The following TULP4 variants were observed in gnomAD, a reference collection of about 807,000 sequenced individuals.
TULP4 encodes TUB like protein 4.
Under a neutral mutation model 129.0 loss-of-function variants are expected in TULP4, and 16 were observed. The ratio of observed to expected loss-of-function variants is 0.12; its 90% CI spans 0.08 to 0.19. TULP4 has a LOEUF of 0.19. TULP4 is among the 10% of genes least tolerant of loss of function. TULP4 has a pLI of 1.00. For synonymous variants in TULP4, 998 were observed against 854.0 expected (o/e 1.17, Z -2.94); for missense variants, 1,842 against 2,059.1 (o/e 0.89, Z 2.04).
At chr6:158,475,635 A>G (rs1208112859) in intron 6 of TULP4, among the ~76,000 whole-genome samples, 1 of 152,104 alleles carries the variant, frequency 6.6e-6, no homozygotes, top group Non-Finnish European at 1.5e-5. Context: ...GGGAGGAGGT[A>G]CCTTCAGCAT....
intron 5 of TULP4, among the ~76,000 whole-genome samples, chr6:158,453,485 C>CAAAA (rs869146924): frequency 3.5e-3 from 62 of 17,914 alleles, no homozygotes; most frequent in Admixed American, 3.9e-3. Context: ...CTCTGTCTCA[C>CAAAA]AAAAAAAAAA....
At position 158,502,750 on chromosome 6, in the gene TULP4, GC is replaced by G; in HGVS notation, c.3092del (p.Pro1031HisfsTer41). On this transcript the variant is annotated frameshift_variant, in exon 13 of 14. Coordinates refer to ENST00000367097, the MANE Select transcript of TULP4 (RefSeq NM_020245.5). LOFTEE classifies it high-confidence loss of function. ...GGVVTQLPAR[P>X]PPALYTCSQC... ...GGGTGGTGACACAGCTCCCAGCGCG[GC>G]CCCCACCTGCCCTGTACACCTGCAG... The G allele has an allele frequency of 6.3e-7, 1 of 1,588,604 alleles. No homozygotes were observed.
At chr6:158,411,232 T>C (rs1384281219) in intron 1 of TULP4, among the ~76,000 whole-genome samples, 1 of 152,180 alleles carries the variant, frequency 6.6e-6, no homozygotes, top group Non-Finnish European at 1.5e-5. Context: ...TGATATATTA[T>C]TGTTTGCACA....
chr6:158,348,379 T>C (rs1780370914), intron 1 of TULP4, among the ~76,000 whole-genome samples: 1 of 152,000 alleles, frequency 6.6e-6, no homozygotes, highest in Non-Finnish European at 1.5e-5. Context: ...GTGATGACTC[T>C]TAATGAGCAT....
intron 6 of TULP4, among the ~76,000 whole-genome samples, chr6:158,472,196 T>C (rs536189018): frequency 2.0e-5 from 3 of 152,216 alleles, no homozygotes; most frequent in African/African-American, 4.8e-5. Flanking sequence ...ACTTGTCTTA[T>C]TTTCCTGAAG....
chr6:158,472,864 C>T (rs1404106091), intron 6 of TULP4, among the ~76,000 whole-genome samples: 8 of 152,186 alleles, frequency 5.3e-5, no homozygotes, highest in Non-Finnish European at 1.2e-4. Flanking sequence ...TTCTGTCCTA[C>T]ATGTTGTAAT....
chr6:158,480,862 A>T (rs916864481), intron 7 of TULP4, among the ~76,000 whole-genome samples, 193 bp from the exon 8 acceptor site: 1 of 152,142 alleles, frequency 6.6e-6, no homozygotes, highest in Non-Finnish European at 1.5e-5. Context: ...AGCTTGCAGG[A>T]GATTCTCACA....
In TULP4 at chr6:158,243,847, G is replaced by GGTGTGTGTGT. The variant is rs57298904; in HGVS notation, n.68+11575_68+11584dup. ...TGTCATTTAGTTATTAGCTGAAATA[G>GGTGTGTGTGT]GTGTGTGTGTGTGTGTGTGTGTGTG... On this transcript the variant is annotated intron_variant and non_coding_transcript_variant, in intron 1 of 1. Transcript: ENST00000620026. Among the ~76,000 whole-genome samples, 965 of 143,582 alleles carry GGTGTGTGTGT rather than the reference G, an allele frequency of 6.7e-3. 7 individuals carry two copies. Among genetic ancestry groups the GGTGTGTGTGT allele is most frequent in the African/African-American group, 0.023 (860 of 38,090 alleles). 94.2% of individuals were successfully genotyped at this position (143,582 alleles called of 152,430 possible). A position where few individuals can be genotyped will look rare whatever the true frequency, so the allele number is the denominator to read the frequency against.
At chr6:158,459,971 A>G (rs1779387995) in intron 5 of TULP4, among the ~76,000 whole-genome samples, 1 of 152,208 alleles carries the variant, frequency 6.6e-6, no homozygotes, top group Admixed American at 6.5e-5. Context: ...TCGCATTTGT[A>G]AAAGAATCTG....
intron 1 of TULP4, among the ~76,000 whole-genome samples, chr6:158,344,349 C>G (rs1780253474): frequency 6.6e-6 from 1 of 152,190 alleles, no homozygotes. Context: ...ACGTGTGAGA[C>G]AGCGGACTTT....
chr6:158,393,973 T>TA (rs1777651462), intron 1 of TULP4, among the ~76,000 whole-genome samples: 1 of 152,234 alleles, frequency 6.6e-6, no homozygotes, highest in Admixed American at 6.5e-5. Context: ...TCCAAACTTT[T>TA]ATGCTCTGCT....
chr6:158,303,332 C>T (rs1234679096), intron 1 of TULP4, among the ~76,000 whole-genome samples: 5 of 151,994 alleles, frequency 3.3e-5, no homozygotes, highest in Admixed American at 2.0e-4. Flanking sequence ...ACAGCTGGGC[C>T]TCTGGGCATG....
chr6:158,258,925 G>T (rs377731180), intron 1 of TULP4, among the ~76,000 whole-genome samples: 2 of 152,274 alleles, frequency 1.3e-5, no homozygotes, highest in East Asian at 3.9e-4. Context: ...GAAAAAACAG[G>T]ATAAATATAA....
At chr6:158,248,735 C>A (rs554390221) in intron 1 of TULP4, among the ~76,000 whole-genome samples, 1 of 151,874 alleles carries the variant, frequency 6.6e-6, no homozygotes, top group African/African-American at 2.4e-5. Context: ...GAGCGAGACC[C>A]AGTCTCCAAA....
intron 3 of TULP4, among the ~76,000 whole-genome samples, chr6:158,441,852 C>T (rs1451428071): frequency 2.0e-5 from 3 of 152,214 alleles, no homozygotes; most frequent in African/African-American, 7.2e-5. Context: ...TGCTCCAGCT[C>T]TCTTACGTTC....
chr6:158,483,158 A>C (rs1779986064), intron 8 of TULP4, among the ~76,000 whole-genome samples: 1 of 152,218 alleles, frequency 6.6e-6, no homozygotes, highest in Non-Finnish European at 1.5e-5. Flanking sequence ...GTGATAAGAC[A>C]ATGTAAGCAC....
chr6:158,434,149 TTTAACTGTAGTTACCTC>T (rs1778698367), intron 3 of TULP4, among the ~76,000 whole-genome samples: 1 of 152,184 alleles, frequency 6.6e-6, no homozygotes, highest in Non-Finnish European at 1.5e-5. Flanking sequence ...TATTACCTCA[TTTAACTGTAGTTACCTC>T]TTTACAGGCC....
At chr6:158,477,723 G>A (rs894541656) in intron 6 of TULP4, among the ~76,000 whole-genome samples, 1 of 152,102 alleles carries the variant, frequency 6.6e-6, no homozygotes, top group African/African-American at 2.4e-5. Context: ...TCAAAGAATT[G>A]AGAACTAACG....
At chr6:158,269,173 T>A (rs1483980971) in intron 1 of TULP4, among the ~76,000 whole-genome samples, 1 of 152,206 alleles carries the variant, frequency 6.6e-6, no homozygotes, top group Admixed American at 6.5e-5. Flanking sequence ...TGTTTTGTTC[T>A]CACCAGATAA....
Sources: allele counts gnomAD v4.1 joint callset (sites outside exome capture counted in the v4.1 genomes callset), GRCh38; gene constraint gnomAD v4.1.1; transcripts MANE v1.5; gene names NCBI Gene and HGNC (gene_info 2026-07-23, HGNC 2026-07-21).